The following PATJ variants were observed in gnomAD, a reference collection of about 807,000 sequenced individuals.
PATJ encodes inaD-like protein.
In PATJ, 190 loss-of-function variants were observed where a neutral mutation model predicts 224.9. The observed-to-expected ratio is 0.84, with a 90% CI of 0.75 to 0.95. The LOEUF (loss-of-function observed/expected upper bound fraction) is 0.95. Among genes scored for constraint, PATJ ranks in the 40% least tolerant of loss-of-function variants. PATJ has a pLI of 0.00. For missense variants in PATJ, 2,121 were observed against 2,270.3 expected, an observed-to-expected ratio of 0.93 and a Z score of 1.34; for synonymous variants, 769 against 820.3, an observed-to-expected ratio of 0.94 and a Z score of 1.07.
At chr1:61,961,987 A>G (rs975130209) in intron 27 of PATJ, among the ~76,000 whole-genome samples, 1 of 147,760 alleles carries the variant, frequency 6.8e-6, no homozygotes, top group South Asian at 2.2e-4. Context: ...AAAAAAAAAG[A>G]AAGAAAAGAA....
At chr1:62,150,679 GAAAAAAAAAAA>G (rs56167585) in intron 42 of PATJ, among the ~76,000 whole-genome samples, 123 of 82,008 alleles carry the variant, frequency 1.5e-3, no homozygotes, top group Middle Eastern at 0.011. Flanking sequence ...CCTGTCTCAA[GAAAAAAAAAAA>G]AAAAAAAAAA....
intron 14 of PATJ, among the ~76,000 whole-genome samples, chr1:61,813,392 CACACACAT>C (rs1271774863): frequency 8.7e-6 from 1 of 115,382 alleles, no homozygotes; most frequent in Non-Finnish European, 1.9e-5. Context: ...CACACACACA[CACACACAT>C]ACACACATAT....
At chr1:61,926,490 T>C (rs1675230872) in intron 26 of PATJ, among the ~76,000 whole-genome samples, 1 of 152,190 alleles carries the variant, frequency 6.6e-6, no homozygotes, top group South Asian at 2.1e-4. Context: ...AATATCCTGG[T>C]TCTGAGGAAA....
chr1:62,111,520 C>T (rs556515159), intron 34 of PATJ, among the ~76,000 whole-genome samples: 1 of 152,282 alleles, frequency 6.6e-6, no homozygotes, highest in African/African-American at 2.4e-5. Context: ...TTAACCTTCA[C>T]AACACTAAGT....
At chr1:61,993,835 G>C (rs577150246) in intron 28 of PATJ, among the ~76,000 whole-genome samples, 3 of 152,194 alleles carry the variant, frequency 2.0e-5, no homozygotes, top group African/African-American at 7.2e-5. Context: ...AGAAACTTCC[G>C]GTATCTGTTT....
rs1208735605 is a variant in PATJ at position 62,128,009 on chromosome 1, G to A, written c.5081G>A (p.Gly1694Glu). 9 of 1,614,050 alleles carry A rather than the reference G, an allele frequency of 5.6e-6. No individual in the cohort carries two copies. The highest frequency in any genetic ancestry group is 7.6e-6 in the Non-Finnish European group (9 of 1,179,910). Reference sequence around the variant, plus strand: ...GCCCTTGGAATCAGTATTGCTGGAGGAAGAGGAAGTCCCTTAGGAGATATC... The same window carrying A: ...GCCCTTGGAATCAGTATTGCTGGAGAAAGAGGAAGTCCCTTAGGAGATATC... Reference protein sequence around the residue: ...SDALGISIAGGRGSPLGDIPV... With the variant: ...SDALGISIAGERGSPLGDIPV... Residue 1694 changes from glycine (G) to glutamate (E), a missense_variant, in exon 40 of 44, where the codon GGA becomes GAA. Transcript: ENST00000642238.
Position 61,956,534 on chromosome 1 carries a change from A to G in PATJ, c.3670+28705A>G, listed in dbSNP as rs544301171. Among the ~76,000 whole-genome samples, 13 of 152,296 alleles carry G rather than the reference A, an allele frequency of 8.5e-5. No homozygotes were observed. In the South Asian group the frequency reaches 2.3e-3, roughly 27 times the overall value. On this transcript the variant is annotated intron_variant, in intron 27 of 43. Transcript: ENST00000642238. ...AAAGCAAAAGATAATGAGGTATGAA[A>G]GGTTAAAAAAAGAAATTTATATCTA...
chr1:61,938,944 C>T (rs1313392268), intron 27 of PATJ, among the ~76,000 whole-genome samples: 1 of 150,976 alleles, frequency 6.6e-6, no homozygotes, highest in Admixed American at 6.6e-5. Flanking sequence ...CTTGGTGAAA[C>T]ACCGTCTCTA....
At position 61,886,366 on chromosome 1, in the gene PATJ, A is replaced by G. The variant is rs370975791; in HGVS notation, c.3131+1958A>G. 7.2e-5 allele frequency among the ~76,000 whole-genome samples: 11 copies of G among 152,342 alleles called. No homozygotes were observed. The South Asian group carries it at 2.3e-3, about 32-fold the overall frequency. On this transcript the variant is annotated intron_variant, in intron 22 of 43. Transcript: ENST00000642238. ...CTATGTTCACATGCTAATAGGGTCA[A>G]TGTAGATAAGACAAAGAAGTTTTCC...
intron 18 of PATJ, among the ~76,000 whole-genome samples, chr1:61,860,129 C>G (rs1423252101): frequency 6.6e-6 from 1 of 152,130 alleles, no homozygotes; most frequent in African/African-American, 2.4e-5. Context: ...TTCATCTTAG[C>G]TCTTTTCTAA....
rs775418182 is a variant in PATJ, at chr1:61,805,428, T to G, written c.1550-20T>G. ...AGTTTCAACATTCTCTCGCTCTCTC[T>G]CTTTTTTTTTAATATCCAGAAAAAG... On this transcript the variant is annotated intron_variant, in intron 12 of 43. Coordinates refer to ENST00000642238, the MANE Select transcript of PATJ (RefSeq NM_001350145.3). 7 of 1,514,890 alleles carry G rather than the reference T, an allele frequency of 4.6e-6. No individual in the cohort carries two copies. Among genetic ancestry groups the G allele is most frequent in the Non-Finnish European group, 6.4e-6 (7 of 1,092,926 alleles). The allele number at this position is 1,514,890 out of a possible 1,614,324, so 93.8% of individuals were successfully genotyped here.
chr1:61,899,122 T>C (rs1288265724), intron 22 of PATJ, among the ~76,000 whole-genome samples: 1 of 152,156 alleles, frequency 6.6e-6, no homozygotes, highest in African/African-American at 2.4e-5. Context: ...ATTCATGGGA[T>C]ACAAATGACG....
At chr1:62,013,955 G>A (rs180952308) in intron 28 of PATJ, among the ~76,000 whole-genome samples, 6 of 152,288 alleles carry the variant, frequency 3.9e-5, no homozygotes, top group Non-Finnish European at 8.8e-5. Flanking sequence ...TGTATTTTTA[G>A]TAGAGACAGG....
intron 11 of PATJ, 61 bp downstream of exon 11, chr1:61,797,489 T>A: frequency 7.0e-7 from 1 of 1,431,456 alleles, no homozygotes; most frequent in Non-Finnish European, 9.7e-7. Flanking sequence ...GCAGTTCAAT[T>A]ATGGAAGTTG....
In PATJ at chr1:61,771,581, A is replaced by G. The variant is rs755930831; in HGVS notation, c.675A>G (p.Lys225=). 6.2e-7 allele frequency: 1 copy of G among 1,610,510 alleles called. No individual in the cohort carries two copies. Among genetic ancestry groups the G allele is most frequent in the Non-Finnish European group, 8.5e-7 (1 of 1,179,032 alleles). The change falls in exon 6 of 44, where the codon AAA becomes AAG. Residue 225 remains lysine, a synonymous_variant. Coordinates refer to ENST00000642238, the MANE Select transcript of PATJ (RefSeq NM_001350145.3). The stretch of plus-strand genomic sequence containing the variant: ...TGGCCAGGGAACCAGTCCACACAAA[A>G]AGCAGTACTTCTAGCAGCCTAAATG... The part of the protein sequence containing the change: ...LIVAREPVHT[K]SSTSSSLNDT...
intron 17 of PATJ, 32 bp downstream of exon 17, chr1:61,833,817 G>A: frequency 6.3e-7 from 1 of 1,588,966 alleles, no homozygotes; most frequent in Non-Finnish European, 8.6e-7. Flanking sequence ...TGTTTTCTTT[G>A]GAGTGATTGG....
At chr1:61,914,888 C>T (rs190894980) in intron 26 of PATJ, among the ~76,000 whole-genome samples, 1 of 152,256 alleles carries the variant, frequency 6.6e-6, no homozygotes, top group African/African-American at 2.4e-5. Context: ...GCCAGTCAGC[C>T]ATCAACGTCT....
chr1:61,992,364 C>T (rs1429878305), intron 28 of PATJ, among the ~76,000 whole-genome samples: 1 of 152,086 alleles, frequency 6.6e-6, no homozygotes, highest in African/African-American at 2.4e-5. Flanking sequence ...GTAATCCACC[C>T]GCCTCAGCCT....
Position 62,108,501 on chromosome 1 carries a change from C to T in PATJ, c.4442C>T (p.Ala1481Val). 6.2e-7 allele frequency: 1 copy of T among 1,607,334 alleles called. No homozygotes were observed. ...GCAGCCAGAGATGGAAGACTTTGGGCTGGTGACCAGATATTAGAGGTATAT... is the reference window on the plus strand; with the variant it reads ...GCAGCCAGAGATGGAAGACTTTGGGTTGGTGACCAGATATTAGAGGTATAT... ...GAAARDGRLW[A>V]GDQILEVNGV... Residue 1481 changes from alanine to valine, a missense_variant, in exon 34 of 44, where the codon GCT becomes GTT. Ala to Val is a moderately conservative substitution (Grantham distance 64). Coordinates refer to ENST00000642238, the MANE Select transcript of PATJ (RefSeq NM_001350145.3).
Sources: allele counts gnomAD v4.1 joint callset (sites outside exome capture counted in the v4.1 genomes callset), GRCh38; gene constraint gnomAD v4.1.1; transcripts MANE v1.5; gene names NCBI Gene and HGNC (gene_info 2026-07-23, HGNC 2026-07-21).